The following ANGPT1 variants were observed in gnomAD, a reference collection of about 807,000 sequenced individuals.
The protein encoded by ANGPT1 is angiopoietin 1.
A neutral mutation model predicts 62.2 loss-of-function variants in ANGPT1; 17 were observed. That is an observed-to-expected ratio of 0.27 (90% CI 0.19 to 0.41). ANGPT1 has a LOEUF of 0.41. Among genes scored for constraint, ANGPT1 ranks in the 10% least tolerant of loss-of-function variants. The probability of loss-of-function intolerance (pLI) is 1.00; values close to 1 mark genes in which losing one functional copy is unlikely to be tolerated. For missense variants in ANGPT1, 478 were observed against 594.9 expected, an observed-to-expected ratio of 0.80 and a Z score of 2.04; for synonymous variants, 199 against 198.9, an observed-to-expected ratio of 1.00 and a Z score of 0.00.
At chr8:107,261,448 G>A (rs1039072912) in intron 8 of ANGPT1, among the ~76,000 whole-genome samples, 2 of 152,170 alleles carry the variant, frequency 1.3e-5, no homozygotes, top group Non-Finnish European at 2.9e-5. Flanking sequence ...GCTCACACCT[G>A]TAATCCCAGC....
At chr8:107,254,453 T>C (rs1054985665) in intron 8 of ANGPT1, among the ~76,000 whole-genome samples, 3 of 151,840 alleles carry the variant, frequency 2.0e-5, no homozygotes, top group African/African-American at 7.2e-5. Context: ...ATGACTGTTA[T>C]TGACAAAAAA....
At chr8:107,480,233 G>T (rs1298632168) in intron 1 of ANGPT1, among the ~76,000 whole-genome samples, 1 of 152,116 alleles carries the variant, frequency 6.6e-6, no homozygotes, top group Non-Finnish European at 1.5e-5. Context: ...AAAAAACTAT[G>T]CATGGGTTTA....
intron 7 of ANGPT1, among the ~76,000 whole-genome samples, chr8:107,265,208 T>A (rs1463143263): frequency 6.6e-6 from 1 of 152,190 alleles, no homozygotes; most frequent in African/African-American, 2.4e-5. Context: ...AATCATCTGA[T>A]CTTTTGTTTA....
intron 7 of ANGPT1, chr8:107,284,372 T>TA: frequency 6.5e-6 from 1 of 152,678 alleles, no homozygotes; most frequent in Non-Finnish European, 1.4e-5. Context: ...GTATGAAACT[T>TA]ATCAGTTTTA....
chr8:107,350,165 C>T (rs928158441), intron 1 of ANGPT1, among the ~76,000 whole-genome samples: 5 of 152,136 alleles, frequency 3.3e-5, no homozygotes, highest in African/African-American at 1.2e-4. Flanking sequence ...GTGCAAACTT[C>T]TTACCATGTT....
chr8:107,298,431 G>A (rs181427821), intron 5 of ANGPT1, among the ~76,000 whole-genome samples: 137 of 151,822 alleles, frequency 9.0e-4, no homozygotes, highest in African/African-American at 3.2e-3. Context: ...AAAATGAAAG[G>A]GAAAGTCTTG....
chr8:107,453,756 C>T (rs1811842638), intron 1 of ANGPT1, among the ~76,000 whole-genome samples: 1 of 151,658 alleles, frequency 6.6e-6, no homozygotes, highest in Non-Finnish European at 1.5e-5. Context: ...AATCTAGATG[C>T]TCAACAGTAG....
chr8:107,329,186 A>G (rs1815363131), intron 3 of ANGPT1, among the ~76,000 whole-genome samples: 1 of 152,048 alleles, frequency 6.6e-6, no homozygotes, highest in East Asian at 1.9e-4. Flanking sequence ...TGCACACTCT[A>G]TATATACACA....
intron 4 of ANGPT1, among the ~76,000 whole-genome samples, chr8:107,318,563 GT>G (rs1364099031): frequency 6.6e-6 from 1 of 152,124 alleles, no homozygotes; most frequent in East Asian, 1.9e-4. Flanking sequence ...TTATTTTAAT[GT>G]TGACTATGAC....
At chr8:107,291,196 T>C (rs946720659) in intron 6 of ANGPT1, among the ~76,000 whole-genome samples, 7 of 152,174 alleles carry the variant, frequency 4.6e-5, no homozygotes. Context: ...GCTTTGATGT[T>C]TTCATCTTGG....
intron 1 of ANGPT1, among the ~76,000 whole-genome samples, chr8:107,446,208 C>T (rs779234616): frequency 7.2e-5 from 11 of 152,272 alleles, no homozygotes; most frequent in South Asian, 2.1e-4. Context: ...TGAGCCACCA[C>T]GCCCGGCCAA....
chr8:107,479,782 T>C (rs1447042992), intron 1 of ANGPT1, among the ~76,000 whole-genome samples: 1 of 152,180 alleles, frequency 6.6e-6, no homozygotes, highest in East Asian at 1.9e-4. Context: ...ACATAAACTA[T>C]ATAGCACTTC....
intron 1 of ANGPT1, among the ~76,000 whole-genome samples, chr8:107,444,116 A>G (rs1811552405): frequency 6.6e-6 from 1 of 152,182 alleles, no homozygotes; most frequent in South Asian, 2.1e-4. Flanking sequence ...TCCATGGGTT[A>G]TATGTGGATG....
At chr8:107,282,262 C>G (rs1288398716) in intron 7 of ANGPT1, among the ~76,000 whole-genome samples, 1 of 151,732 alleles carries the variant, frequency 6.6e-6, no homozygotes, top group Non-Finnish European at 1.5e-5. Context: ...GACTGCACAT[C>G]TACTTTCTGT....
chr8:107,299,422 A>ATATATATACAC (rs1281291162), intron 5 of ANGPT1, among the ~76,000 whole-genome samples: 3 of 116,140 alleles, frequency 2.6e-5, no homozygotes, highest in African/African-American at 9.2e-5. Flanking sequence ...TATATATATA[A>ATATATATACAC]ACATACATAT....
chr8:107,471,941 C>G (rs951171619), intron 1 of ANGPT1, among the ~76,000 whole-genome samples: 1 of 151,874 alleles, frequency 6.6e-6, no homozygotes, highest in Non-Finnish European at 1.5e-5. Context: ...TTCAGATTTC[C>G]TGATGTTATT....
intron 1 of ANGPT1, among the ~76,000 whole-genome samples, chr8:107,413,242 A>G (rs931265843): frequency 2.6e-5 from 4 of 152,162 alleles, no homozygotes; most frequent in Admixed American, 6.6e-5. Context: ...ATCCCGGGTA[A>G]TTATGAACAC....
rs1289909164 is a variant in ANGPT1, at chr8:107,250,718, G to A, written c.*1137C>T. ...TTTTATTTTTTATAGACTTCAAAGT[G>A]TTTCTTTTATAGACACTGGAACAGT... On this transcript the variant is annotated 3_prime_UTR_variant, in exon 9 of 9. Transcript: ENST00000517746. 6.6e-6 allele frequency: 1 copy of A among 151,984 alleles called. No individual in the cohort carries two copies. Among genetic ancestry groups the A allele is most frequent in the Admixed American group, 6.6e-5 (1 of 15,242 alleles). 9.4% of individuals were successfully genotyped at this position (151,984 alleles called of 1,614,324 possible).
At chr8:107,277,107 T>C (rs1179281570) in intron 7 of ANGPT1, among the ~76,000 whole-genome samples, 2 of 152,196 alleles carry the variant, frequency 1.3e-5, no homozygotes, top group Non-Finnish European at 2.9e-5. Flanking sequence ...CATTAAAAAA[T>C]GTTAAACATT....
Sources: gnomAD v4.1 joint callset for allele counts (sites outside exome capture counted in the v4.1 genomes callset) on GRCh38, gnomAD v4.1.1 for gene constraint, MANE v1.5 for transcripts, NCBI Gene and HGNC (gene_info 2026-07-23, HGNC 2026-07-21) for gene names.